TAFA5: variants seen among roughly 807,000 people sequenced by gnomAD.
The protein encoded by TAFA5 is chemokine-like protein TAFA-5.
In TAFA5, 6 loss-of-function variants were observed where a neutral mutation model predicts 15.3. That is an observed-to-expected ratio of 0.39 (90% CI 0.21 to 0.77). The LOEUF (loss-of-function observed/expected upper bound fraction) is 0.77. Ranked by LOEUF, TAFA5 falls within the 30% of genes least tolerant of loss-of-function variation. The pLI is 0.41. For synonymous variants in TAFA5, 103 were observed against 80.7 expected, an observed-to-expected ratio of 1.28 and a Z score of -1.48; for missense variants, 161 against 193.1, an observed-to-expected ratio of 0.83 and a Z score of 0.98.
At chr22:48,517,690 GCA>G (rs1921459924) in intron 1 of TAFA5, among the ~76,000 whole-genome samples, 1 of 152,104 alleles carries the variant, frequency 6.6e-6, no homozygotes, top group Non-Finnish European at 1.5e-5. Context: ...CATGGGGCAC[GCA>G]CAGACCTGGG....
chr22:48,653,975 G>C (rs1011589176), intron 2 of TAFA5, among the ~76,000 whole-genome samples: 2 of 152,130 alleles, frequency 1.3e-5, no homozygotes, highest in Non-Finnish European at 2.9e-5. Context: ...ATGGGTGCCC[G>C]AGCCTCTCCG....
chr22:48,598,540 T>C lies in TAFA5; in HGVS notation c.113-48057T>C, dbSNP rs1924851217. 6.6e-6 allele frequency among the ~76,000 whole-genome samples: 1 copy of C among 152,082 alleles called. No homozygotes were observed. Among genetic ancestry groups the C allele is most frequent in the Admixed American group, 6.5e-5 (1 of 15,272 alleles). On this transcript the variant is annotated intron_variant, in intron 1 of 3. Coordinates refer to ENST00000402357, the MANE Select transcript of TAFA5 (RefSeq NM_001082967.3). The surrounding 1 kb of genome is among the most constrained non-coding windows in gnomAD (Gnocchi z 4.0). ...CGTGGGCCCAGCAGTGGCTGCATCT[T>C]AGGCAGTTGTGTGAGATGACCTCCA... is the stretch of plus-strand genomic sequence containing the variant.
At chr22:48,622,140 G>A (rs1925860234) in intron 1 of TAFA5, among the ~76,000 whole-genome samples, 1 of 152,172 alleles carries the variant, frequency 6.6e-6, no homozygotes, top group Non-Finnish European at 1.5e-5. Flanking sequence ...GCACAGGAGT[G>A]CATGAGAACC....
chr22:48,691,453 G>A (rs1461848224), intron 2 of TAFA5, among the ~76,000 whole-genome samples: 2 of 152,244 alleles, frequency 1.3e-5, no homozygotes, highest in Non-Finnish European at 2.9e-5. Context: ...GGACAGGGTC[G>A]CCTTGTGTCG....
intron 3 of TAFA5, among the ~76,000 whole-genome samples, chr22:48,734,910 G>A (rs888650351): frequency 2.6e-5 from 4 of 152,196 alleles, no homozygotes; most frequent in African/African-American, 4.8e-5. Context: ...CCCTGGTATT[G>A]CAGAGTAAAG....
In TAFA5 at chr22:48,736,536, G is replaced by A. The variant is rs568459510; in HGVS notation, c.391-13303G>A. Among the ~76,000 whole-genome samples, 6 of 151,944 alleles carry A rather than the reference G, an allele frequency of 3.9e-5. No homozygotes were observed. In the East Asian group the frequency reaches 5.8e-4, roughly 15 times the overall value. Reference sequence around the variant, plus strand: ...CATGTCCACACACAAACCTGTACACGCCTGTTCTTAGCAGCACCGTTCCCA... The same window carrying A: ...CATGTCCACACACAAACCTGTACACACCTGTTCTTAGCAGCACCGTTCCCA... On this transcript the variant is annotated intron_variant, in intron 3 of 3. Coordinates refer to ENST00000402357, the MANE Select transcript of TAFA5 (RefSeq NM_001082967.3).
In TAFA5 at chr22:48,598,165, T is replaced by C. The variant is rs1924839228; in HGVS notation, c.113-48432T>C. Among the ~76,000 whole-genome samples the C allele has an allele frequency of 6.6e-6, 1 of 152,296 alleles. No homozygotes were observed. ...GTGAGGCCTCCGCTGGAGAATTCTTTTCTTGCTTGAGGAAGGTCCATCTTT... is the reference window on the plus strand; with the variant it reads ...GTGAGGCCTCCGCTGGAGAATTCTTCTCTTGCTTGAGGAAGGTCCATCTTT... On this transcript the variant is annotated intron_variant, in intron 1 of 3. Transcript: ENST00000402357. The surrounding 1 kb of genome is among the most constrained non-coding windows in gnomAD (Gnocchi z 4.0).
intron 1 of TAFA5, among the ~76,000 whole-genome samples, chr22:48,504,959 T>G (rs1419895282): frequency 1.3e-5 from 2 of 152,148 alleles, no homozygotes. Flanking sequence ...TGGCTATCCC[T>G]GCTCAGGCCC....
chr22:48,611,334 C>T (rs1925402595), intron 1 of TAFA5, among the ~76,000 whole-genome samples: 1 of 152,234 alleles, frequency 6.6e-6, no homozygotes, highest in South Asian at 2.1e-4. Context: ...AGATGCTGTC[C>T]TGCGTTGCCT....
chr22:48,699,758 T>A (rs1173762862), intron 2 of TAFA5, among the ~76,000 whole-genome samples: 1 of 152,148 alleles, frequency 6.6e-6, no homozygotes, highest in Non-Finnish European at 1.5e-5. Context: ...ACGGGAATAA[T>A]CCAATTATTG....
intron 1 of TAFA5, among the ~76,000 whole-genome samples, chr22:48,587,292 C>T (rs1280126017): frequency 6.6e-6 from 1 of 152,184 alleles, no homozygotes; most frequent in Non-Finnish European, 1.5e-5. Context: ...TCTCACGGGC[C>T]TCGGGGTGGG....
At position 48,707,785 on chromosome 22, in the gene TAFA5, T is replaced by C; in HGVS notation, c.331T>C (p.Leu111=). The change falls in exon 3 of 4, where the codon TTA becomes CTA. Residue 111 remains leucine, a synonymous_variant. Transcript: ENST00000402357. ...PCLEGEGCDL[L]INRSGWTCTQ... is the part of the protein sequence containing the mutation. The stretch of plus-strand genomic sequence containing the variant: ...TCTGGAGGGGGAAGGCTGCGACTTG[T>C]TAATCAACCGGTCAGGCTGGACGTG... The C allele has an allele frequency of 1.2e-6, 2 of 1,613,892 alleles. No individual in the cohort carries two copies. The highest frequency in any genetic ancestry group is 1.7e-6 in the Non-Finnish European group (2 of 1,179,876).
intron 1 of TAFA5, among the ~76,000 whole-genome samples, chr22:48,581,820 C>G (rs527519762): frequency 6.6e-6 from 1 of 152,178 alleles, no homozygotes; most frequent in African/African-American, 2.4e-5. Flanking sequence ...ACAGCCCCTT[C>G]GTTAGGGAGC....
Position 48,750,878 on chromosome 22 carries a change from CAATT to C in TAFA5, c.*1034_*1037del, listed in dbSNP as rs1463084469. On this transcript the variant is annotated 3_prime_UTR_variant, in exon 4 of 4. Coordinates refer to ENST00000402357, the MANE Select transcript of TAFA5 (RefSeq NM_001082967.3). ...TATATTTGTAGAAAATCCTATTTAA[CAATT>C]AACGTGGCAGTCCCGGCCGTCCTGA... 1 of 152,534 alleles carries C rather than the reference CAATT, an allele frequency of 6.6e-6. No individual in the cohort carries two copies. Among genetic ancestry groups the C allele is most frequent in the African/African-American group, 2.4e-5 (1 of 41,458 alleles). The allele number at this position is 152,534 out of a possible 1,614,324, so 9.4% of individuals were successfully genotyped here.
intron 1 of TAFA5, among the ~76,000 whole-genome samples, chr22:48,633,189 G>A (rs1048562981): frequency 1.3e-5 from 2 of 152,172 alleles, no homozygotes; most frequent in Non-Finnish European, 2.9e-5. Flanking sequence ...CTCCAGAGCC[G>A]ACCTGAACCC....
chr22:48,564,220 C>T (rs1923334593), intron 1 of TAFA5, among the ~76,000 whole-genome samples: 1 of 152,252 alleles, frequency 6.6e-6, no homozygotes, highest in South Asian at 2.1e-4. Flanking sequence ...TCAGCGCCCG[C>T]AGCCTGAGGA....
intron 1 of TAFA5, among the ~76,000 whole-genome samples, chr22:48,581,929 G>A (rs745544285): frequency 7.2e-5 from 11 of 152,132 alleles, no homozygotes; most frequent in Non-Finnish European, 1.5e-4. Flanking sequence ...GCTGCACTGC[G>A]ATCTGAGCAG....
At chr22:48,504,121 G>T (rs1920971038) in intron 1 of TAFA5, among the ~76,000 whole-genome samples, 1 of 152,118 alleles carries the variant, frequency 6.6e-6, no homozygotes, top group Non-Finnish European at 1.5e-5. Context: ...GTGAGATTTG[G>T]CTCCACCGAG....
At chr22:48,684,956 G>A (rs988963534) in intron 2 of TAFA5, among the ~76,000 whole-genome samples, 1 of 152,214 alleles carries the variant, frequency 6.6e-6, no homozygotes, top group African/African-American at 2.4e-5. Context: ...CAGTGACCAT[G>A]GCCTTGGGTG....
Sources: allele counts gnomAD v4.1 joint callset (sites outside exome capture counted in the v4.1 genomes callset), GRCh38; gene constraint gnomAD v4.1.1; non-coding constraint Gnocchi (gnomAD v3.1); transcripts MANE v1.5; gene names NCBI Gene and HGNC (gene_info 2026-07-23, HGNC 2026-07-21).